Variants in HDHD2 observed in about 807,000 individuals in gnomAD.
HDHD2 encodes haloacid dehalogenase like hydrolase domain containing 2.
In HDHD2, 26 loss-of-function variants were observed where a neutral mutation model predicts 24.8. The observed-to-expected ratio is 1.05, with a 90% CI of 0.77 to 1.45. HDHD2 has a LOEUF of 1.45. Among genes scored for constraint, HDHD2 ranks in the 40% most tolerant of loss-of-function variants. The pLI, the probability that HDHD2 is intolerant of heterozygous loss-of-function variation, is 0.00. For synonymous variants in HDHD2, 128 were observed against 114.9 expected (o/e 1.11, Z -0.73); for missense variants, 299 against 313.4 (o/e 0.95, Z 0.35).
intron 4 of HDHD2, among the ~76,000 whole-genome samples, chr18:47,124,204 T>A (rs1242316341): frequency 6.6e-6 from 1 of 152,160 alleles, no homozygotes; most frequent in Non-Finnish European, 1.5e-5. Flanking sequence ...ACAATAAAGC[T>A]TACAGAAGAA....
At chr18:47,133,931 G>C (rs1329167849) in intron 3 of HDHD2, among the ~76,000 whole-genome samples, 1 of 152,158 alleles carries the variant, frequency 6.6e-6, no homozygotes, top group Non-Finnish European at 1.5e-5. Context: ...TAGGTTGCCT[G>C]TTCACTCTGA....
Position 47,108,752 on chromosome 18 carries a change from T to C in HDHD2, c.710A>G (p.Asn237Ser). The C allele has an allele frequency of 6.2e-7, 1 of 1,611,174 alleles. No homozygotes were observed. The highest frequency in any genetic ancestry group is 8.5e-7 in the Non-Finnish European group (1 of 1,177,812). Residue 237 changes from asparagine to serine, a missense_variant, in exon 7 of 7, where the codon AAT (asparagine) becomes AGT (serine). Coordinates refer to ENST00000300605, the MANE Select transcript of HDHD2 (RefSeq NM_032124.5). ...CTCACAAGTTAAGTAAGGAGGTGGA[T>C]TAATTTTTTCTTCATCTGATGCTCG... The part of the protein sequence containing the change: ...KYRASDEEKI[N>S]PPPYLTCESF...
intron 4 of HDHD2, among the ~76,000 whole-genome samples, chr18:47,125,153 C>T (rs576162120): frequency 6.6e-6 from 1 of 151,884 alleles, no homozygotes; most frequent in African/African-American, 2.4e-5. Context: ...CAGAGCAAGA[C>T]CCTGTCTTTG....
At chr18:47,113,098 C>A in intron 5 of HDHD2, 58 bp from the exon 6 acceptor site, 1 of 1,396,360 alleles carries the variant, frequency 7.2e-7, no homozygotes, top group Non-Finnish European at 1.0e-6. Flanking sequence ...AGCCAACAAA[C>A]ATTACCAACT....
intron 4 of HDHD2, among the ~76,000 whole-genome samples, chr18:47,123,134 C>T (rs1195025508): frequency 1.3e-5 from 2 of 151,990 alleles, no homozygotes; most frequent in South Asian, 2.1e-4. Context: ...TTATTGTCTA[C>T]AATTGTCTAT....
intron 4 of HDHD2, among the ~76,000 whole-genome samples, chr18:47,128,782 C>T (rs1453063329): frequency 3.9e-5 from 6 of 152,180 alleles, no homozygotes; most frequent in Admixed American, 1.3e-4. Flanking sequence ...TGGCTGTTCT[C>T]AAACTGCTAT....
intron 1 of HDHD2, among the ~76,000 whole-genome samples, chr18:47,139,771 T>C (rs1056890981): frequency 4.6e-5 from 7 of 152,178 alleles, no homozygotes; most frequent in African/African-American, 7.2e-5. Flanking sequence ...GCAGAACTGA[T>C]TGCTTGCTTG....
chr18:47,143,389 T>C (rs1366405294), intron 1 of HDHD2, among the ~76,000 whole-genome samples: 2 of 152,196 alleles, frequency 1.3e-5, no homozygotes, highest in African/African-American at 2.4e-5. Flanking sequence ...CAGTGGGCTA[T>C]GACCATGCAG....
chr18:47,132,075 C>G (rs150341661), intron 3 of HDHD2, among the ~76,000 whole-genome samples: 2,517 of 152,314 alleles, frequency 0.017, 33 homozygotes, highest in Middle Eastern at 0.031. Context: ...TCCCTTGCTT[C>G]CCCTTTAGGT....
intron 6 of HDHD2, chr18:47,111,664 A>G: frequency 1.0e-6 from 1 of 985,422 alleles, no homozygotes; most frequent in Non-Finnish European, 1.2e-6. Flanking sequence ...TGGTGTTACT[A>G]TCTGCAAGGC....
intron 3 of HDHD2, among the ~76,000 whole-genome samples, chr18:47,133,934 C>A (rs1393706131): frequency 6.6e-6 from 1 of 152,154 alleles, no homozygotes; most frequent in Non-Finnish European, 1.5e-5. Flanking sequence ...GTTGCCTGTT[C>A]ACTCTGATGG....
intron 1 of HDHD2, among the ~76,000 whole-genome samples, chr18:47,138,066 T>A (rs1411467264): frequency 7.0e-6 from 1 of 143,334 alleles, no homozygotes; most frequent in Non-Finnish European, 1.5e-5. Flanking sequence ...CTAGGGAGGC[T>A]GAGAATGAGG....
intron 4 of HDHD2, among the ~76,000 whole-genome samples, chr18:47,116,708 G>T (rs1200053276): frequency 6.6e-6 from 1 of 152,180 alleles, no homozygotes; most frequent in East Asian, 1.9e-4. Context: ...AGTTACTAAC[G>T]GGTGACTTAT....
At chr18:47,136,653 A>T (rs1253533206) in intron 1 of HDHD2, among the ~76,000 whole-genome samples, 4 of 150,768 alleles carry the variant, frequency 2.7e-5, no homozygotes, top group African/African-American at 9.8e-5. Context: ...TTTTTTTTTA[A>T]AAAAAAAAAA....
intron 5 of HDHD2, among the ~76,000 whole-genome samples, chr18:47,114,763 T>C (rs544151334): frequency 6.0e-4 from 91 of 152,122 alleles, no homozygotes; most frequent in Non-Finnish European, 1.2e-3. Flanking sequence ...GGTTCTCATT[T>C]GTGCAGCATT....
chr18:47,118,373 GGA>G, intron 4 of HDHD2, among the ~76,000 whole-genome samples: 1 of 152,178 alleles, frequency 6.6e-6, no homozygotes, highest in East Asian at 1.9e-4. Context: ...GTGATAGACT[GGA>G]GAAAGAAAAT....
intron 4 of HDHD2, among the ~76,000 whole-genome samples, chr18:47,116,297 T>C (rs1030904492): frequency 6.6e-6 from 1 of 152,214 alleles, no homozygotes; most frequent in African/African-American, 2.4e-5. Context: ...ATAAATGATC[T>C]CACTAGCTTA....
chr18:47,139,093 T>G (rs571148321), intron 1 of HDHD2, among the ~76,000 whole-genome samples: 73 of 152,158 alleles, frequency 4.8e-4, no homozygotes, highest in African/African-American at 1.7e-3. Flanking sequence ...GGACAGAAGC[T>G]CTCACTGGGG....
rs369879788 is a variant in HDHD2 at position 47,108,719 on chromosome 18, G to A, written c.743C>T (p.Pro248Leu). 2.5e-6 allele frequency: 4 copies of A among 1,609,474 alleles called. No individual in the cohort carries two copies. The highest frequency in any genetic ancestry group is 2.7e-5 in the African/African-American group (2 of 74,746). Residue 248 changes from proline (P) to leucine (L), a missense_variant, in exon 7 of 7, where the codon CCT (proline) becomes CTT (leucine). Coordinates refer to ENST00000300605, the MANE Select transcript of HDHD2 (RefSeq NM_032124.5). Reference sequence around the variant, plus strand: ...CTGCAGAATGTGGTCCACAGCATGAGGGAAACTCTCACAAGTTAAGTAAGG... The same window carrying A: ...CTGCAGAATGTGGTCCACAGCATGAAGGAAACTCTCACAAGTTAAGTAAGG... Reference protein sequence around the residue: ...PPPYLTCESFPHAVDHILQHL... With the variant: ...PPPYLTCESFLHAVDHILQHL...
Sources: allele counts gnomAD v4.1 joint callset (sites outside exome capture counted in the v4.1 genomes callset), GRCh38; gene constraint gnomAD v4.1.1; transcripts MANE v1.5; gene names NCBI Gene and HGNC (gene_info 2026-07-23, HGNC 2026-07-21).